AUTS2: variants seen among roughly 807,000 people sequenced by gnomAD.
AUTS2 encodes autism susceptibility gene 2 protein.
AUTS2 carries 17 observed loss-of-function variants against 112.4 expected under a neutral mutation model. The observed-to-expected ratio is 0.15, with a 90% CI of 0.10 to 0.23. AUTS2 has a LOEUF of 0.23. Among genes scored for constraint, AUTS2 ranks in the 10% least tolerant of loss-of-function variants. The pLI, the probability that AUTS2 is intolerant of heterozygous loss-of-function variation, is 1.00. For synonymous variants in AUTS2, 751 were observed against 702.7 expected (o/e 1.07, Z -1.09); for missense variants, 1,510 against 1,701.6 (o/e 0.89, Z 1.98).
chr7:70,516,201 A>G (rs1799410677), intron 5 of AUTS2, among the ~76,000 whole-genome samples: 1 of 152,214 alleles, frequency 6.6e-6, no homozygotes, highest in Non-Finnish European at 1.5e-5. Context: ...GCCAAGCAAC[A>G]GAGTTTTTTA....
chr7:70,742,163 C>T (rs1403904913), intron 6 of AUTS2, among the ~76,000 whole-genome samples: 1 of 152,144 alleles, frequency 6.6e-6, no homozygotes, highest in Non-Finnish European at 1.5e-5. Flanking sequence ...TATAAGGATA[C>T]ATAAATTATA....
intron 5 of AUTS2, among the ~76,000 whole-genome samples, chr7:70,568,609 C>A (rs886657642): frequency 6.6e-6 from 1 of 152,200 alleles, no homozygotes; most frequent in Non-Finnish European, 1.5e-5. Flanking sequence ...GCACACAGGA[C>A]ACCTGTCTCC....
At chr7:69,877,538 G>C (rs1404300934) in intron 1 of AUTS2, among the ~76,000 whole-genome samples, 1 of 152,072 alleles carries the variant, frequency 6.6e-6, no homozygotes, top group Non-Finnish European at 1.5e-5. Context: ...TGATGCTGAG[G>C]CTTGGGGTAT....
chr7:70,409,027 C>G (rs1246390991), intron 4 of AUTS2, among the ~76,000 whole-genome samples: 2 of 152,188 alleles, frequency 1.3e-5, no homozygotes, highest in Non-Finnish European at 2.9e-5. Flanking sequence ...GTAATTTCAA[C>G]TGGCACGTCA....
intron 1 of AUTS2, among the ~76,000 whole-genome samples, chr7:69,744,689 T>C (rs1787413048): frequency 6.6e-6 from 1 of 150,560 alleles, no homozygotes; most frequent in South Asian, 2.1e-4. Flanking sequence ...AAAAAAAAAT[T>C]AGCCGATGTG....
intron 5 of AUTS2, among the ~76,000 whole-genome samples, chr7:70,533,599 G>A (rs1183054889): frequency 1.3e-5 from 2 of 152,208 alleles, no homozygotes; most frequent in African/African-American, 4.8e-5. Context: ...GTAGCTCTAT[G>A]CTGGAACTAG....
intron 4 of AUTS2, among the ~76,000 whole-genome samples, chr7:70,190,444 A>G (rs919139589): frequency 5.3e-5 from 8 of 152,118 alleles, no homozygotes; most frequent in African/African-American, 1.9e-4. Flanking sequence ...TTAATTGTCT[A>G]TTGCTTACTC....
chr7:70,098,516 G>T (rs1013119960), intron 2 of AUTS2, among the ~76,000 whole-genome samples: 1 of 152,034 alleles, frequency 6.6e-6, no homozygotes. Flanking sequence ...CCATGCAGCT[G>T]TTGCCATGGC....
chr7:70,536,044 A>G (rs190509600), intron 5 of AUTS2, among the ~76,000 whole-genome samples: 2 of 152,286 alleles, frequency 1.3e-5, no homozygotes, highest in Admixed American at 6.5e-5. Flanking sequence ...AAAGTAGTTA[A>G]GAGGCCGGCA....
At chr7:70,273,129 A>G (rs958321976) in intron 4 of AUTS2, among the ~76,000 whole-genome samples, 1 of 151,758 alleles carries the variant, frequency 6.6e-6, no homozygotes. Context: ...GCTCACTGCA[A>G]CCTCCACCTC....
At chr7:70,650,488 C>G (rs1349419278) in intron 5 of AUTS2, among the ~76,000 whole-genome samples, 1 of 152,240 alleles carries the variant, frequency 6.6e-6, no homozygotes, top group Admixed American at 6.5e-5. Flanking sequence ...GTGGTTTAAT[C>G]TCTCTGAATG....
intron 5 of AUTS2, among the ~76,000 whole-genome samples, chr7:70,614,704 A>T (rs1804263240): frequency 6.6e-6 from 1 of 152,122 alleles, no homozygotes; most frequent in Non-Finnish European, 1.5e-5. Flanking sequence ...ATTAGTACTG[A>T]TGCTGGGCTG....
intron 4 of AUTS2, among the ~76,000 whole-genome samples, chr7:70,319,102 A>G (rs923898022): frequency 2.6e-5 from 4 of 152,230 alleles, no homozygotes; most frequent in Non-Finnish European, 5.9e-5. Flanking sequence ...CTGCCTTGCC[A>G]TGTCAGCAAA....
chr7:69,670,532 T>G (rs1430551523), intron 1 of AUTS2, among the ~76,000 whole-genome samples: 1 of 136,104 alleles, frequency 7.3e-6, no homozygotes, highest in Non-Finnish European at 1.5e-5. Flanking sequence ...ATTAGTAACA[T>G]GGTTGTTTTT....
At chr7:70,328,285 G>C (rs1234516181) in intron 4 of AUTS2, among the ~76,000 whole-genome samples, 1 of 152,094 alleles carries the variant, frequency 6.6e-6, no homozygotes, top group African/African-American at 2.4e-5. Flanking sequence ...ATGGTGGAAT[G>C]ATCATAGCTC....
chr7:69,617,820 G>A (rs1793459543), intron 1 of AUTS2, among the ~76,000 whole-genome samples: 1 of 152,150 alleles, frequency 6.6e-6, no homozygotes, highest in Admixed American at 6.5e-5. Flanking sequence ...TAGTGGGTAT[G>A]GCTCCTCCAA....
intron 5 of AUTS2, among the ~76,000 whole-genome samples, chr7:70,663,020 A>G (rs1474754944): frequency 6.6e-6 from 1 of 152,212 alleles, no homozygotes; most frequent in Non-Finnish European, 1.5e-5. Flanking sequence ...CATTTTACAG[A>G]TAGAAGATAG....
chr7:70,611,127 A>G (rs1223660128), intron 5 of AUTS2, among the ~76,000 whole-genome samples: 1 of 152,146 alleles, frequency 6.6e-6, no homozygotes, highest in African/African-American at 2.4e-5. Flanking sequence ...TCTTTAATCC[A>G]TTTTGAGTTG....
intron 15 of AUTS2, 180 bp downstream of exon 15, chr7:70,781,936 C>G: frequency 1.5e-6 from 1 of 687,960 alleles, no homozygotes; most frequent in East Asian, 2.9e-5. Flanking sequence ...TTGATACACT[C>G]TCTTTCATTA....
Sources: gnomAD v4.1 joint callset for allele counts (sites outside exome capture counted in the v4.1 genomes callset) on GRCh38, gnomAD v4.1.1 for gene constraint, MANE v1.5 for transcripts, NCBI Gene and HGNC (gene_info 2026-07-23, HGNC 2026-07-21) for gene names.